The following SNTG1 variants were observed in gnomAD, a reference collection of about 807,000 sequenced individuals.
SNTG1 encodes the protein syntrophin gamma 1.
SNTG1 carries 39 observed loss-of-function variants against 74.7 expected under a neutral mutation model. That is an observed-to-expected ratio of 0.52 (90% CI 0.40 to 0.68). The LOEUF (loss-of-function observed/expected upper bound fraction) is 0.68. SNTG1 is among the 30% of genes least tolerant of loss of function. SNTG1 has a pLI of 0.00. For missense variants in SNTG1, 685 were observed against 609.5 expected (o/e 1.12, Z -1.30); for synonymous variants, 254 against 217.1 (o/e 1.17, Z -1.49).
chr8:50,345,631 T>C (rs186893804), intron 2 of SNTG1, among the ~76,000 whole-genome samples: 2 of 152,360 alleles, frequency 1.3e-5, no homozygotes, highest in African/African-American at 4.8e-5. Flanking sequence ...ATCTCCACTT[T>C]ATGCTCATGA....
chr8:50,484,678 G>A (rs201106969), intron 8 of SNTG1, among the ~76,000 whole-genome samples: 1 of 151,594 alleles, frequency 6.6e-6, no homozygotes, highest in East Asian at 2.0e-4. Context: ...TGTCCAACAG[G>A]AAGAAACCCT....
At chr8:50,083,232 G>GC (rs934215789) in intron 1 of SNTG1, among the ~76,000 whole-genome samples, 1 of 152,114 alleles carries the variant, frequency 6.6e-6, no homozygotes, top group Non-Finnish European at 1.5e-5. Flanking sequence ...AAATCCCAGA[G>GC]CTCTAAAACT....
chr8:50,009,926 G>A (rs945594300), intron 1 of SNTG1, among the ~76,000 whole-genome samples: 5 of 152,180 alleles, frequency 3.3e-5, no homozygotes, highest in African/African-American at 9.7e-5. Context: ...AAACCAGGAG[G>A]TGGAGGTTTT....
intron 2 of SNTG1, among the ~76,000 whole-genome samples, chr8:50,244,760 G>T (rs540170931): frequency 6.6e-6 from 1 of 152,186 alleles, no homozygotes; most frequent in East Asian, 1.9e-4. Context: ...ACCACATAAT[G>T]GTTAGTCAAG....
chr8:50,213,084 T>TATC (rs1472400119), intron 2 of SNTG1, among the ~76,000 whole-genome samples: 1 of 152,228 alleles, frequency 6.6e-6, no homozygotes, highest in African/African-American at 2.4e-5. Flanking sequence ...TGTTCACATA[T>TATC]ATCATCTTCC....
chr8:50,409,271 G>A (rs1243283551), intron 4 of SNTG1, among the ~76,000 whole-genome samples: 2 of 152,198 alleles, frequency 1.3e-5, no homozygotes, highest in Non-Finnish European at 2.9e-5. Flanking sequence ...ACAAGAGACA[G>A]CTAGAGAGTT....
At chr8:50,491,178 G>A (rs1054232692) in intron 8 of SNTG1, 1 of 152,404 alleles carries the variant, frequency 6.6e-6, no homozygotes, top group Non-Finnish European at 1.5e-5. Context: ...GCTCCCCAGA[G>A]TTTACACGTG....
At chr8:50,557,911 T>A (rs1241303125) in intron 12 of SNTG1, among the ~76,000 whole-genome samples, 1 of 152,210 alleles carries the variant, frequency 6.6e-6, no homozygotes, top group Non-Finnish European at 1.5e-5. Flanking sequence ...ACACGTGCAT[T>A]GCTTGGGGTG....
chr8:50,526,157 G>A (rs2094217662), intron 9 of SNTG1, among the ~76,000 whole-genome samples: 1 of 152,114 alleles, frequency 6.6e-6, no homozygotes. Context: ...CTCTAGTGCT[G>A]CAATGAGCCC....
intron 2 of SNTG1, among the ~76,000 whole-genome samples, chr8:50,281,101 A>G (rs2088425514): frequency 6.6e-6 from 1 of 152,150 alleles, no homozygotes; most frequent in Non-Finnish European, 1.5e-5. Flanking sequence ...CTGCAAGACT[A>G]TTTCAAAATA....
intron 17 of SNTG1, among the ~76,000 whole-genome samples, chr8:50,728,247 T>C (rs935512314): frequency 6.6e-6 from 1 of 152,152 alleles, no homozygotes; most frequent in African/African-American, 2.4e-5. Flanking sequence ...ACTAACTATA[T>C]ACGAAGAGGC....
intron 16 of SNTG1, among the ~76,000 whole-genome samples, chr8:50,705,438 A>C (rs539044888): frequency 7.2e-5 from 11 of 152,380 alleles, no homozygotes; most frequent in African/African-American, 2.6e-4. Flanking sequence ...AAATCATAAA[A>C]GTAATACATC....
At chr8:50,465,739 G>A (rs1014631640) in intron 8 of SNTG1, among the ~76,000 whole-genome samples, 1 of 152,050 alleles carries the variant, frequency 6.6e-6, no homozygotes, top group African/African-American at 2.4e-5. Context: ...CACTTAGCAA[G>A]GTGCATTTAA....
At chr8:50,719,535 G>T (rs1190894138) in intron 17 of SNTG1, among the ~76,000 whole-genome samples, 1 of 152,188 alleles carries the variant, frequency 6.6e-6, no homozygotes, top group Non-Finnish European at 1.5e-5. Flanking sequence ...AGGAGGAACA[G>T]CCTAACATGC....
intron 2 of SNTG1, among the ~76,000 whole-genome samples, chr8:50,305,509 GGTTT>G (rs1276756103): frequency 7.9e-6 from 1 of 126,592 alleles, no homozygotes; most frequent in Non-Finnish European, 1.6e-5. Flanking sequence ...GTGGATGTTT[GGTTT>G]GTTTGTGCTT....
chr8:50,032,917 A>G (rs1471632540), intron 1 of SNTG1, among the ~76,000 whole-genome samples: 1 of 152,142 alleles, frequency 6.6e-6, no homozygotes. Flanking sequence ...CCCATCCCCA[A>G]TAATCATGCA....
chr8:50,340,710 A>C (rs143979077), intron 2 of SNTG1, among the ~76,000 whole-genome samples: 27 of 151,946 alleles, frequency 1.8e-4, no homozygotes, highest in African/African-American at 5.8e-4. Flanking sequence ...CTATGAAAGA[A>C]AGAAGAAAAC....
At chr8:50,071,567 T>C (rs1055976196) in intron 1 of SNTG1, among the ~76,000 whole-genome samples, 1 of 152,018 alleles carries the variant, frequency 6.6e-6, no homozygotes, top group African/African-American at 2.4e-5. Context: ...AAACCTCCAC[T>C]TCCCAGGTTC....
At chr8:50,576,139 C>T (rs1377574017) in intron 12 of SNTG1, among the ~76,000 whole-genome samples, 1 of 152,128 alleles carries the variant, frequency 6.6e-6, no homozygotes, top group Non-Finnish European at 1.5e-5. Flanking sequence ...ATGCTCAGGT[C>T]TTTGGGTTAA....
Sources: allele counts gnomAD v4.1 joint callset (sites outside exome capture counted in the v4.1 genomes callset), GRCh38; gene constraint gnomAD v4.1.1; transcripts MANE v1.5; gene names NCBI Gene and HGNC (gene_info 2026-07-23, HGNC 2026-07-21).